TIGD6: variants seen among roughly 807,000 people sequenced by gnomAD.
The protein encoded by TIGD6 is tigger transposable element-derived protein 6.
In TIGD6, 1 loss-of-function variant was observed where a neutral mutation model predicts 2.6. The observed-to-expected ratio is 0.39, with a 90% CI of 0.14 to 1.85. TIGD6 has a LOEUF of 1.85. TIGD6 is among the 40% of genes most tolerant of loss of function. TIGD6 has a pLI of 0.32. For synonymous variants in TIGD6, 193 were observed against 221.9 expected, an observed-to-expected ratio of 0.87 and a Z score of 1.16; for missense variants, 601 against 634.2, an observed-to-expected ratio of 0.95 and a Z score of 0.56.
chr5:149,996,072 T>A lies in TIGD6; in HGVS notation c.277A>T (p.Asn93Tyr), dbSNP rs1269378040. ...ATGACAGAACCAGTCACAAGAATGTTTTTGGCATGGATTTCTTGAAACCAA... is the reference window on the plus strand; with the variant it reads ...ATGACAGAACCAGTCACAAGAATGTATTTGGCATGGATTTCTTGAAACCAA... ...FAWFQEIHAK[N>Y]ILVTGSVIRK... is the part of the protein sequence containing the mutation. The change falls in exon 2 of 2, where the codon AAC (asparagine) becomes TAC (tyrosine). Residue 93 changes from asparagine (N) to tyrosine (Y), a missense_variant. Coordinates refer to ENST00000296736, the MANE Select transcript of TIGD6 (RefSeq NM_030953.4). The A allele has an allele frequency of 6.2e-7, 1 of 1,613,858 alleles. No individual in the cohort carries two copies.
rs755051043 is a variant in TIGD6, at chr5:149,995,149, CT to C, written c.1199del (p.Lys400SerfsTer16). The C allele has an allele frequency of 1.9e-6, 3 of 1,614,266 alleles. No homozygotes were observed. The highest frequency in any genetic ancestry group is 1.6e-4 in the Middle Eastern group (1 of 6,062). On this transcript the variant is annotated frameshift_variant, in exon 2 of 2. Transcript: ENST00000296736. LOFTEE classifies it low-confidence loss of function (END_TRUNC). The part of the protein sequence containing the change: ...AASEPDIAIE[K>X]LWHTVAIATC... ...TGGCAATAGCCACTGTGTGCCACAA[CT>C]TTTCAATGGCAATGTCTGGTTCACT... is the stretch of plus-strand genomic sequence containing the variant.
rs1389644215 is a variant in TIGD6, at chr5:149,995,815, A to G, written c.534T>C (p.Ala178=). The G allele has an allele frequency of 6.2e-7, 1 of 1,614,250 alleles. No homozygotes were observed. The highest frequency in any genetic ancestry group is 1.1e-5 in the South Asian group (1 of 91,084). The change falls in exon 2 of 2, where the codon GCT becomes GCC. Residue 178 remains alanine (A), a synonymous_variant. Transcript: ENST00000296736. ...ADYSPDDIFN[A]DETGVFFQLL... is the part of the protein sequence containing the mutation. ...ACTGGAAAAACACTCCTGTCTCATC[A>G]GCATTAAAGATATCATCTGGGCTGT...
chr5:149,998,847 C>A (rs958850680), intron 1 of TIGD6, among the ~76,000 whole-genome samples: 2 of 152,164 alleles, frequency 1.3e-5, no homozygotes, highest in Non-Finnish European at 2.9e-5. Flanking sequence ...AGGAGCCTAC[C>A]AGGGAAGACA....
chr5:149,994,834 C>A lies in TIGD6; in HGVS notation c.1515G>T (p.Val505=). 6.4e-7 allele frequency: 1 copy of A among 1,571,462 alleles called. No individual in the cohort carries two copies. The highest frequency in any genetic ancestry group is 1.2e-5 in the South Asian group (1 of 83,868). ...TTTTGGAATCAATAAGGGTTTGTGT[C>A]ACTCTTTTCATTAAATATTCATCTA... is the stretch of plus-strand genomic sequence containing the variant. ...NGIDEYLMKR[V]TQTLIDSKIT... The change falls in exon 2 of 2, where the codon GTG becomes GTT. Residue 505 remains valine (V), a synonymous_variant. Transcript: ENST00000296736.
rs141559913 is a variant in TIGD6, at chr5:149,993,148, A to C, written c.*1635T>G. ...ATTCAAATGATCATATTAGTTTATT[A>C]AAAGAAAAAATATCCAAAATAAGCT... is the stretch of plus-strand genomic sequence containing the variant. On this transcript the variant is annotated 3_prime_UTR_variant, in exon 2 of 2. Transcript: ENST00000296736. 1.1e-3 allele frequency: 160 copies of C among 152,344 alleles called. No individual in the cohort carries two copies. Among genetic ancestry groups the C allele is most frequent in the African/African-American group, 3.6e-3 (151 of 41,584 alleles). 9.4% of individuals were successfully genotyped at this position (152,344 alleles called of 1,614,324 possible). A position where few individuals can be genotyped will look rare whatever the true frequency, so the allele number is the denominator to read the frequency against.
rs756062391 is a variant in TIGD6, at chr5:149,994,919, C to CT, written c.1429dup (p.Arg477LysfsTer12). 27 of 1,612,804 alleles carry CT rather than the reference C, an allele frequency of 1.7e-5. No homozygotes were observed. The highest frequency in any genetic ancestry group is 2.1e-5 in the Non-Finnish European group (25 of 1,179,014). Reference sequence around the variant, plus strand: ...GTCTACACAAGTGGAAAGGAACTGTCTAAGTTTCTGTACACTTGATATGGC... The same window carrying CT: ...GTCTACACAAGTGGAAAGGAACTGTCTTAAGTTTCTGTACACTTGATATGGC... On this transcript the variant is annotated frameshift_variant, in exon 2 of 2. Coordinates refer to ENST00000296736, the MANE Select transcript of TIGD6 (RefSeq NM_030953.4). LOFTEE classifies it high-confidence loss of function.
At position 149,993,608 on chromosome 5, in the gene TIGD6, C is replaced by T. The variant is rs977090734; in HGVS notation, c.*1175G>A. ...TTTTTTTTTTTAGAGATGGGGGTCT[C>T]GCTGTGTTGGCCAGTCTGGTCTCAA... On this transcript the variant is annotated 3_prime_UTR_variant, in exon 2 of 2. Coordinates refer to ENST00000296736, the MANE Select transcript of TIGD6 (RefSeq NM_030953.4). 8 of 151,834 alleles carry T rather than the reference C, an allele frequency of 5.3e-5. No homozygotes were observed. The highest frequency in any genetic ancestry group is 1.2e-4 in the African/African-American group (5 of 41,350). The allele number at this position is 151,834 out of a possible 1,614,324, so 9.4% of individuals were successfully genotyped here.
chr5:149,996,507 T>TCCTTTCCTAATACA, intron 1 of TIGD6, 78 bp from the exon 2 acceptor site: 2 of 1,095,376 alleles, frequency 1.8e-6, no homozygotes, highest in Non-Finnish European at 2.6e-6. Context: ...TTACAAATTG[T>TCCTTTCCTAATACA]ATTAGGAAAG....
In TIGD6 at chr5:149,995,136, CTG is replaced by C. The variant is rs749251639; in HGVS notation, c.1211_1212del (p.Thr404SerfsTer10). On this transcript the variant is annotated frameshift_variant, in exon 2 of 2. Transcript: ENST00000296736. LOFTEE classifies it low-confidence loss of function (END_TRUNC). ...TTTGGGACACAGGTGGCAATAGCCACTGTGTGCCACAACTTTTCAATGGCAAT... is the reference window on the plus strand; with the variant it reads ...TTTGGGACACAGGTGGCAATAGCCACTGTGCCACAACTTTTCAATGGCAAT... ...PDIAIEKLWH[T>X]VAIATCVPNE... 6.3e-5 allele frequency: 102 copies of C among 1,614,132 alleles called. No individual in the cohort carries two copies. The highest frequency in any genetic ancestry group is 8.5e-5 in the Non-Finnish European group (100 of 1,180,060).
chr5:149,997,689 G>A (rs185313431), intron 1 of TIGD6, among the ~76,000 whole-genome samples: 227 of 152,026 alleles, frequency 1.5e-3, no homozygotes, highest in Non-Finnish European at 2.5e-3. Context: ...GCTGGATGGG[G>A]TGGCTTACGC....
rs77246920 is a variant in TIGD6 at position 149,996,519 on chromosome 5, A to G, written c.-81-90T>C. On this transcript the variant is annotated intron_variant, in intron 1 of 1. Transcript: ENST00000296736. ...TTTTTACAAATTGTATTAGGAAAGG[A>G]CAATTTACAGTCAAAGTAAAGAAAA... 4.9e-5 allele frequency: 45 copies of G among 924,344 alleles called. No individual in the cohort carries two copies. The East Asian group carries it at 1.2e-3, about 24-fold the overall frequency. The allele number at this position is 924,344 out of a possible 1,614,324, so 57.3% of individuals were successfully genotyped here.
At chr5:149,996,486 G>T in intron 1 of TIGD6, 57 bp from the exon 2 acceptor site, 1 of 1,279,498 alleles carries the variant, frequency 7.8e-7, no homozygotes, top group Non-Finnish European at 1.1e-6. Flanking sequence ...CTAAAAGATG[G>T]TTCAGGATTT....
At position 149,995,029 on chromosome 5, in the gene TIGD6, C is replaced by T; in HGVS notation, c.1320G>A (p.Val440=). Reference sequence around the variant, plus strand: ...CTGCTTCACTGGTATTTTCGCCAGCCACCATGTCCTGGATGATGTCTGTGT... The same window carrying T: ...CTGCTTCACTGGTATTTTCGCCAGCTACCATGTCCTGGATGATGTCTGTGT... ...SQDTDIIQDM[V]AGENTSEAGS... The change falls in exon 2 of 2, where the codon GTG becomes GTA. Residue 440 remains valine, a synonymous_variant. Coordinates refer to ENST00000296736, the MANE Select transcript of TIGD6 (RefSeq NM_030953.4). 1.9e-6 allele frequency: 3 copies of T among 1,614,156 alleles called. No homozygotes were observed. Among genetic ancestry groups the T allele is most frequent in the Non-Finnish European group, 2.5e-6 (3 of 1,179,998 alleles).
In TIGD6 at chr5:149,993,691, G is replaced by GC. The variant is rs1755313289; in HGVS notation, c.*1091dup. 1 of 152,132 alleles carries GC rather than the reference G, an allele frequency of 6.6e-6. No homozygotes were observed. Among genetic ancestry groups the GC allele is most frequent in the Non-Finnish European group, 1.5e-5 (1 of 68,068 alleles). The allele number at this position is 152,132 out of a possible 1,614,324, so 9.4% of individuals were successfully genotyped here. ...TGGGATTACAGGCATGAGCCACCAT[G>GC]CCCAGCCTATGTCTTAAATGCACTG... is the stretch of plus-strand genomic sequence containing the variant. On this transcript the variant is annotated 3_prime_UTR_variant, in exon 2 of 2. Transcript: ENST00000296736.
intron 1 of TIGD6, 49 bp from the exon 2 acceptor site, chr5:149,996,478 A>G: frequency 7.5e-7 from 1 of 1,325,822 alleles, no homozygotes. Flanking sequence ...GATTTCCCCT[A>G]AAAGATGGTT....
In TIGD6 at chr5:149,996,274, G is replaced by A. The variant is rs1178629739; in HGVS notation, c.75C>T (p.Asp25=). 6.2e-7 allele frequency: 1 copy of A among 1,614,138 alleles called. No individual in the cohort carries two copies. Among genetic ancestry groups the A allele is most frequent in the Non-Finnish European group, 8.5e-7 (1 of 1,180,038 alleles). ...CCACATCACCTTTCCTCTTGCCTGAGTCTACAGCTCCCACAACTTTCATTT... is the reference window on the plus strand; with the variant it reads ...CCACATCACCTTTCCTCTTGCCTGAATCTACAGCTCCCACAACTTTCATTT... ...EEKMKVVGAV[D]SGKRKGDVAK... The change falls in exon 2 of 2, where the codon GAC becomes GAT. Residue 25 remains aspartate (D), a synonymous_variant. Coordinates refer to ENST00000296736, the MANE Select transcript of TIGD6 (RefSeq NM_030953.4).
Position 149,996,214 on chromosome 5 carries a change from A to T in TIGD6, c.135T>A (p.Ser45=), listed in dbSNP as rs777913216. The change falls in exon 2 of 2, where the codon TCT becomes TCA. Residue 45 remains serine (S), a synonymous_variant. Transcript: ENST00000296736. Reference sequence around the variant, plus strand: ...ATTTGGTGCGATCCTTTAAGAATGTAGATAAAGTAGAGGGAGTGATACCAA... The same window carrying T: ...ATTTGGTGCGATCCTTTAAGAATGTTGATAAAGTAGAGGGAGTGATACCAA... ...KEFGITPSTL[S]TFLKDRTKFE... The T allele has an allele frequency of 1.2e-6, 2 of 1,614,208 alleles. No homozygotes were observed. Among genetic ancestry groups the T allele is most frequent in the Non-Finnish European group, 1.7e-6 (2 of 1,180,040 alleles).
In TIGD6 at chr5:149,995,523, C is replaced by A. The variant is rs1047355761; in HGVS notation, c.826G>T (p.Glu276Ter). Residue 276 changes from glutamate to a stop codon, truncating the protein, a stop_gained, in exon 2 of 2, where the codon GAA (glutamate) becomes TAA (stop). Coordinates refer to ENST00000296736, the MANE Select transcript of TIGD6 (RefSeq NM_030953.4). LOFTEE classifies it low-confidence loss of function (END_TRUNC). ...MQVDARMKRA[E>*]RRILLLIDNC... is the part of the protein sequence containing the mutation. ...TCTATGAGCAAGAGGATCCGGCGTTCCGCCCTCTTCATCCTGGCATCCACT... is the reference window on the plus strand; with the variant it reads ...TCTATGAGCAAGAGGATCCGGCGTTACGCCCTCTTCATCCTGGCATCCACT... 6.8e-6 allele frequency: 11 copies of A among 1,614,134 alleles called. No homozygotes were observed. The African/African-American group carries it at 1.5e-4, about 22-fold the overall frequency.
intron 1 of TIGD6, among the ~76,000 whole-genome samples, chr5:149,998,766 T>G (rs1755460222): frequency 6.6e-6 from 1 of 152,236 alleles, no homozygotes; most frequent in African/African-American, 2.4e-5. Context: ...ATTCATGACA[T>G]GTACTATGTA....
Sources: gnomAD v4.1 joint callset for allele counts (sites outside exome capture counted in the v4.1 genomes callset) on GRCh38, gnomAD v4.1.1 for gene constraint, MANE v1.5 for transcripts, NCBI Gene and HGNC (gene_info 2026-07-23, HGNC 2026-07-21) for gene names.